NTM: variants seen among roughly 807,000 people sequenced by gnomAD.
NTM encodes the protein IgLON family member 2.
NTM carries 13 observed loss-of-function variants against 42.1 expected under a neutral mutation model. That is an observed-to-expected ratio of 0.31 (90% CI 0.20 to 0.49). NTM has a LOEUF of 0.49. NTM is among the 20% of genes least tolerant of loss of function. The pLI, the probability that NTM is intolerant of heterozygous loss-of-function variation, is 0.99. For synonymous variants in NTM, 187 were observed against 179.2 expected, an observed-to-expected ratio of 1.04 and a Z score of -0.35; for missense variants, 373 against 452.8, an observed-to-expected ratio of 0.82 and a Z score of 1.60.
At chr11:131,832,347 G>A (rs2042926935) in intron 1 of NTM, among the ~76,000 whole-genome samples, 1 of 151,964 alleles carries the variant, frequency 6.6e-6, no homozygotes, top group Non-Finnish European at 1.5e-5. Context: ...GTTTGGCAAA[G>A]CAATCATTAC....
chr11:132,119,831 A>C (rs1177591248), intron 2 of NTM, among the ~76,000 whole-genome samples: 2 of 152,244 alleles, frequency 1.3e-5, no homozygotes, highest in African/African-American at 4.8e-5. Flanking sequence ...TAGGGTTCAC[A>C]CAGCAGAGCA....
At chr11:132,078,288 A>T (rs2058615595) in intron 2 of NTM, among the ~76,000 whole-genome samples, 1 of 152,142 alleles carries the variant, frequency 6.6e-6, no homozygotes, top group African/African-American at 2.4e-5. Context: ...GAACTGACAC[A>T]CTCACGGATG....
intron 3 of NTM, among the ~76,000 whole-genome samples, chr11:132,202,029 C>A (rs1276529546): frequency 6.6e-6 from 1 of 152,202 alleles, no homozygotes; most frequent in Non-Finnish European, 1.5e-5. Flanking sequence ...TACTTCTGTT[C>A]TCTTCCTCAC....
chr11:131,559,286 C>A (rs2055886777), intron 1 of NTM, among the ~76,000 whole-genome samples: 1 of 152,232 alleles, frequency 6.6e-6, no homozygotes. Context: ...TATGGCTATT[C>A]CGAACAGTAT....
At chr11:131,581,914 G>A (rs2058446842) in intron 1 of NTM, 1 of 152,204 alleles carries the variant, frequency 6.6e-6, no homozygotes, top group African/African-American at 2.4e-5. Flanking sequence ...CTCTTCTCAA[G>A]GGAAACAAAC....
At chr11:131,622,579 T>G (rs1361132755) in intron 1 of NTM, among the ~76,000 whole-genome samples, 1 of 152,244 alleles carries the variant, frequency 6.6e-6, no homozygotes, top group Non-Finnish European at 1.5e-5. Flanking sequence ...GCCAAAATTT[T>G]GCTGTACACA....
At chr11:132,021,842 G>C (rs1040001939) in intron 2 of NTM, among the ~76,000 whole-genome samples, 1 of 152,290 alleles carries the variant, frequency 6.6e-6, no homozygotes, top group East Asian at 1.9e-4. Context: ...AATGTCTCCT[G>C]ATATTTGCTT....
intron 1 of NTM, among the ~76,000 whole-genome samples, chr11:131,395,585 A>T (rs1944461418): frequency 6.6e-6 from 1 of 152,176 alleles, no homozygotes; most frequent in Non-Finnish European, 1.5e-5. Flanking sequence ...AATCCATTTA[A>T]TGACACTAAC....
chr11:132,095,323 C>T (rs1178573919), intron 2 of NTM, among the ~76,000 whole-genome samples: 2 of 152,188 alleles, frequency 1.3e-5, no homozygotes, highest in Non-Finnish European at 2.9e-5. Flanking sequence ...GCATTAACAT[C>T]TTGAGCACCG....
At chr11:131,947,441 C>T (rs774752139) in intron 2 of NTM, among the ~76,000 whole-genome samples, 70 of 152,256 alleles carry the variant, frequency 4.6e-4, no homozygotes, top group Middle Eastern at 3.4e-3. Context: ...CTCCCCTCCC[C>T]GGGACTGTCT....
At chr11:131,931,024 CATA>C (rs1307590492) in intron 2 of NTM, among the ~76,000 whole-genome samples, 2 of 152,150 alleles carry the variant, frequency 1.3e-5, no homozygotes, top group Non-Finnish European at 2.9e-5. Context: ...TTGACATCAA[CATA>C]GTAGTGTTCA....
chr11:131,675,390 AC>A (rs1428261559), intron 1 of NTM, among the ~76,000 whole-genome samples: 1 of 152,196 alleles, frequency 6.6e-6, no homozygotes, highest in East Asian at 1.9e-4. Context: ...ATCTTACATA[AC>A]CAGTAATACA....
intron 7 of NTM, among the ~76,000 whole-genome samples, chr11:132,323,620 C>T (rs1339653524): frequency 6.6e-6 from 1 of 152,110 alleles, no homozygotes; most frequent in African/African-American, 2.4e-5. Flanking sequence ...GGTACCATTC[C>T]TTCTGAAATT....
intron 1 of NTM, chr11:131,537,416 C>T (rs910950980): frequency 2.6e-5 from 4 of 152,162 alleles, no homozygotes; most frequent in East Asian, 3.9e-4. Flanking sequence ...TAGACAGCTG[C>T]GCAGGGTATA....
intron 2 of NTM, among the ~76,000 whole-genome samples, chr11:131,963,314 T>A: frequency 6.6e-6 from 1 of 152,204 alleles, no homozygotes; most frequent in East Asian, 1.9e-4. Context: ...TGGATAACTC[T>A]GAGTTTGGGG....
chr11:132,216,188 C>A (rs1025764543), intron 4 of NTM, among the ~76,000 whole-genome samples: 4 of 152,234 alleles, frequency 2.6e-5, no homozygotes, highest in Non-Finnish European at 1.5e-5. Flanking sequence ...TAAATAGAAG[C>A]ATGATCTCTT....
intron 1 of NTM, among the ~76,000 whole-genome samples, chr11:131,690,293 C>G (rs768884608): frequency 6.6e-6 from 1 of 152,158 alleles, no homozygotes; most frequent in Admixed American, 6.5e-5. Context: ...TTCCAGAAAT[C>G]GAGGGGCAGG....
intron 1 of NTM, among the ~76,000 whole-genome samples, chr11:131,590,862 C>T (rs772403490): frequency 6.6e-6 from 1 of 152,168 alleles, no homozygotes; most frequent in Non-Finnish European, 1.5e-5. Flanking sequence ...AATTACTGAA[C>T]TTTGCTGTCC....
chr11:131,371,982 G>A (rs1941270202), intron 1 of NTM, among the ~76,000 whole-genome samples: 1 of 152,152 alleles, frequency 6.6e-6, no homozygotes, highest in African/African-American at 2.4e-5. Context: ...GGTGAAAAAC[G>A]ATGGGGAGTC....
Sources: gnomAD v4.1 joint callset for allele counts (sites outside exome capture counted in the v4.1 genomes callset) on GRCh38, gnomAD v4.1.1 for gene constraint, MANE v1.5 for transcripts, NCBI Gene and HGNC (gene_info 2026-07-23, HGNC 2026-07-21) for gene names.